TMEM63A: variants seen among roughly 807,000 people sequenced by gnomAD.
TMEM63A encodes transmembrane protein 63A.
TMEM63A carries 76 observed loss-of-function variants against 100.6 expected under a neutral mutation model. The ratio of observed to expected loss-of-function variants is 0.76; its 90% CI spans 0.63 to 0.91. The LOEUF (loss-of-function observed/expected upper bound fraction) is 0.91. TMEM63A is among the 40% of genes least tolerant of loss of function. The pLI, the probability that TMEM63A is intolerant of heterozygous loss-of-function variation, is 0.00. For synonymous variants in TMEM63A, 401 were observed against 401.1 expected (o/e 1.00, Z 0.00); for missense variants, 876 against 1,008.8 (o/e 0.87, Z 1.78).
At position 225,862,743 on chromosome 1, in the gene TMEM63A, C is replaced by T. The variant is rs1670007323; in HGVS notation, c.827+28G>A. 6.2e-7 allele frequency: 1 copy of T among 1,613,728 alleles called. No homozygotes were observed. The highest frequency in any genetic ancestry group is 1.3e-5 in the African/African-American group (1 of 74,954). ...GCGAGGCCAGCAAGGAAGGAGGGGG[C>T]ATCTTGCAAGGCCCGCCCACCACTC... is the stretch of plus-strand genomic sequence containing the variant. On this transcript the variant is annotated intron_variant, in intron 11 of 24. Coordinates refer to ENST00000366835, the MANE Select transcript of TMEM63A (RefSeq NM_014698.3). This position sits in a 1 kb window ranked among gnomAD's most constrained non-coding sequence, Gnocchi z 5.1.
Position 225,853,677 on chromosome 1 carries a change from G to C in TMEM63A, c.1749C>G (p.Phe583Leu). 5 of 1,583,118 alleles carry C rather than the reference G, an allele frequency of 3.2e-6. No homozygotes were observed. Among genetic ancestry groups the C allele is most frequent in the Non-Finnish European group, 4.3e-6 (5 of 1,164,480 alleles). The change falls in exon 19 of 25, where the codon TTC (phenylalanine) becomes TTG (leucine). Residue 583 changes from phenylalanine to leucine, a missense_variant. Phe to Leu is a conservative substitution (Grantham distance 22, BLOSUM62 0). Around this residue, in one of 5 missense-constraint regions of TMEM63A, gnomAD observed 339 missense variants for 342.3 expected, o/e 0.99. Transcript: ENST00000366835. This position sits in a 1 kb window ranked among gnomAD's most constrained non-coding sequence, Gnocchi z 4.0. ...LRLPGLILYT[F>L]RMIMAKTAAD... The stretch of plus-strand genomic sequence containing the variant: ...CAGCCGTCTTGGCCATGATCATGCG[G>C]AAGGTATAGAGGATGAGACCTGGCA...
In TMEM63A at chr1:225,862,516, G is replaced by A. The variant is rs752844802; in HGVS notation, c.890C>T (p.Thr297Ile). 6.2e-7 allele frequency: 1 copy of A among 1,614,122 alleles called. No individual in the cohort carries two copies. Among genetic ancestry groups the A allele is most frequent in the South Asian group, 1.1e-5 (1 of 91,086 alleles). ...TNLQVKTGQR[T>I]LINPKPCGQF... Reference sequence around the variant, plus strand: ...GCCACAGGGCTTGGGGTTGATGAGGGTCCGCTGGCCTGTCTTCACCTGCAG... The same window carrying A: ...GCCACAGGGCTTGGGGTTGATGAGGATCCGCTGGCCTGTCTTCACCTGCAG... The change falls in exon 12 of 25, where the codon ACC (threonine) becomes ATC (isoleucine). Residue 297 changes from threonine (T) to isoleucine (I), a missense_variant. Physicochemically the swap from Thr to Ile is moderately conservative, Grantham distance 89. This residue lies in a region of TMEM63A where 487 missense variants were observed against 581.9 expected (regional missense o/e 0.84). Coordinates refer to ENST00000366835, the MANE Select transcript of TMEM63A (RefSeq NM_014698.3). This position sits in a 1 kb window ranked among gnomAD's most constrained non-coding sequence, Gnocchi z 5.1.
In TMEM63A at chr1:225,867,110, A is replaced by T; in HGVS notation, c.566+2T>A. The T allele has an allele frequency of 1.9e-6, 3 of 1,613,502 alleles. No homozygotes were observed. Among genetic ancestry groups the T allele is most frequent in the Non-Finnish European group, 2.5e-6 (3 of 1,179,926 alleles). On this transcript the variant is annotated splice_donor_variant, in intron 8 of 24. Coordinates refer to ENST00000366835, the MANE Select transcript of TMEM63A (RefSeq NM_014698.3). LOFTEE classifies it high-confidence loss of function. This position sits in a 1 kb window ranked among gnomAD's most constrained non-coding sequence, Gnocchi z 4.6. ...ACCTATCCCCACGGGCTCCATACTC[A>T]CTCAGTCTGTAGGTTTGCTATTGTT... is the stretch of plus-strand genomic sequence containing the variant.
At chr1:225,871,181 T>C in intron 5 of TMEM63A, 68 bp from the exon 6 acceptor site, 1 of 1,518,968 alleles carries the variant, frequency 6.6e-7, no homozygotes, top group East Asian at 2.3e-5. Flanking sequence ...GTAACCATTG[T>C]CTTTGACATT....
chr1:225,846,980 A>G (rs1312362661), intron 24 of TMEM63A, 48 bp from the exon 25 acceptor site: 1 of 1,536,178 alleles, frequency 6.5e-7, no homozygotes, highest in African/African-American at 1.4e-5. Context: ...AGGCCGCTTC[A>G]CCTGTCTTCT....
Position 225,867,087 on chromosome 1 carries a change from C to T in TMEM63A, c.566+25G>A. On this transcript the variant is annotated intron_variant, in intron 8 of 24. Coordinates refer to ENST00000366835, the MANE Select transcript of TMEM63A (RefSeq NM_014698.3). The surrounding 1 kb of genome is among the most constrained non-coding windows in gnomAD (Gnocchi z 4.6). ...TCTCCTTGATCTCACCCATCAGCAC[C>T]TATCCCCACGGGCTCCATACTCACT... is the stretch of plus-strand genomic sequence containing the variant. 1 of 1,613,966 alleles carries T rather than the reference C, an allele frequency of 6.2e-7. No homozygotes were observed. Among genetic ancestry groups the T allele is most frequent in the South Asian group, 1.1e-5 (1 of 91,086 alleles).
chr1:225,865,564 G>A lies in TMEM63A; in HGVS notation c.746+333C>T. 3.9e-6 allele frequency: 1 copy of A among 256,636 alleles called. No homozygotes were observed. The highest frequency in any genetic ancestry group is 4.3e-5 in the Admixed American group (1 of 23,406). The allele number at this position is 256,636 out of a possible 1,614,324, so 15.9% of individuals were successfully genotyped here. On this transcript the variant is annotated intron_variant, in intron 10 of 24. Coordinates refer to ENST00000366835, the MANE Select transcript of TMEM63A (RefSeq NM_014698.3). This position sits in a 1 kb window ranked among gnomAD's most constrained non-coding sequence, Gnocchi z 4.6. ...CTCACGTCTCTCTTATTCTGCAAAG[G>A]TGATGCTAAGAACCCCGGGGTCAAC...
intron 15 of TMEM63A, among the ~76,000 whole-genome samples, chr1:225,857,379 C>CGGGGGGGGGGGGGGGGGGGGGG (rs369068747): frequency 8.9e-6 from 1 of 112,716 alleles, no homozygotes; most frequent in African/African-American, 4.4e-5. Context: ...TCCTGGCCGG[C>CGGGGGGGGGGGGGGGGGGGGGG]GGGGCGGGGG....
At chr1:225,854,575 T>C (rs1405436287) in intron 18 of TMEM63A, among the ~76,000 whole-genome samples, 2 of 152,070 alleles carry the variant, frequency 1.3e-5, no homozygotes, top group African/African-American at 4.8e-5. Context: ...GGGAAAGTTG[T>C]AGAGTAGCAG....
At chr1:225,874,893 C>A (rs1476142727) in intron 3 of TMEM63A, among the ~76,000 whole-genome samples, 1 of 152,220 alleles carries the variant, frequency 6.6e-6, no homozygotes, top group Non-Finnish European at 1.5e-5. Context: ...CGCCACCACA[C>A]CCAGCTAATT....
In TMEM63A at chr1:225,849,002, G is replaced by A. The variant is rs780335936; in HGVS notation, c.2082C>T (p.Ala694=). 2 of 1,584,158 alleles carry A rather than the reference G, an allele frequency of 1.3e-6. No homozygotes were observed. Among genetic ancestry groups the A allele is most frequent in the South Asian group, 1.2e-5 (1 of 86,446 alleles). The stretch of plus-strand genomic sequence containing the variant: ...CCAGGAAGGTGAACAGAGTGGCGGG[G>A]GCCTTCATACCTGGTGATAGAGGGT... ...FFSFLRLGMK[A]PATLFTFLVL... is the part of the protein sequence containing the mutation. The change falls in exon 22 of 25, where the codon GCC becomes GCT. Residue 694 remains alanine (A), a synonymous_variant. Coordinates refer to ENST00000366835, the MANE Select transcript of TMEM63A (RefSeq NM_014698.3).
At chr1:225,870,220 C>T (rs1670437358) in intron 6 of TMEM63A, among the ~76,000 whole-genome samples, 1 of 151,982 alleles carries the variant, frequency 6.6e-6, no homozygotes, top group South Asian at 2.1e-4. Context: ...GGCATGGTGG[C>T]GCATGCCTGT....
chr1:225,867,467 CT>C lies in TMEM63A; in HGVS notation c.515-305del, dbSNP rs1670271607. Reference sequence around the variant, plus strand: ...CCAACGTTGGGAACCACTGGGTATCCTAAGTGGATTCATGGTGGCATTTTGG... The same window carrying C: ...CCAACGTTGGGAACCACTGGGTATCCAAGTGGATTCATGGTGGCATTTTGG... On this transcript the variant is annotated intron_variant, in intron 7 of 24. Coordinates refer to ENST00000366835, the MANE Select transcript of TMEM63A (RefSeq NM_014698.3). The surrounding 1 kb of genome is among the most constrained non-coding windows in gnomAD (Gnocchi z 4.6). 6.6e-6 allele frequency among the ~76,000 whole-genome samples: 1 copy of C among 152,120 alleles called. No individual in the cohort carries two copies. The highest frequency in any genetic ancestry group is 1.5e-5 in the Non-Finnish European group (1 of 68,002).
intron 23 of TMEM63A, 166 bp downstream of exon 23, chr1:225,848,326 C>T (rs1022956217): frequency 1.5e-6 from 1 of 666,902 alleles, no homozygotes. Flanking sequence ...GGTTAAAATA[C>T]CCAGGGGGAC....
At chr1:225,878,855 C>A (rs534857451) in intron 2 of TMEM63A, among the ~76,000 whole-genome samples, 2 of 150,464 alleles carry the variant, frequency 1.3e-5, no homozygotes, top group African/African-American at 4.9e-5. Context: ...GACAATCACA[C>A]ATGGACACCT....
At chr1:225,841,339 G>A (rs1668392783), downstream of TMEM63A, among the ~76,000 whole-genome samples, 1 of 152,192 alleles carries the variant, frequency 6.6e-6, no homozygotes, top group Admixed American at 6.5e-5. Context: ...GTAGAGTGCA[G>A]TGGTGTGATC....
chr1:225,847,991 CAG>C (rs1669106207), intron 23 of TMEM63A, among the ~76,000 whole-genome samples: 1 of 152,166 alleles, frequency 6.6e-6, no homozygotes, highest in South Asian at 2.1e-4. Flanking sequence ...AGGCTGTGTG[CAG>C]AGAGAACTAG....
intron 15 of TMEM63A, 129 bp downstream of exon 15, chr1:225,859,067 A>C: frequency 2.2e-6 from 3 of 1,361,518 alleles, no homozygotes; most frequent in East Asian, 2.3e-5. Flanking sequence ...CAAGGATGTG[A>C]GCTGAGCAAC....
Position 225,846,903 on chromosome 1 carries a change from T to G in TMEM63A, c.*36A>C. ...GCCAAGGGCCTGAGCCCCAGGCCAT[T>G]CTGGTTGTGTCTTTTCAGAGCAGTG... On this transcript the variant is annotated 3_prime_UTR_variant, in exon 25 of 25. Transcript: ENST00000366835. 8.9e-7 allele frequency: 1 copy of G among 1,128,490 alleles called. No homozygotes were observed. Among genetic ancestry groups the G allele is most frequent in the Non-Finnish European group, 1.2e-6 (1 of 825,854 alleles). The allele number at this position is 1,128,490 out of a possible 1,614,324, so 69.9% of individuals were successfully genotyped here. A position where few individuals can be genotyped will look rare whatever the true frequency, so the allele number is the denominator to read the frequency against.
Sources: allele counts gnomAD v4.1 joint callset (sites outside exome capture counted in the v4.1 genomes callset), GRCh38; gene constraint gnomAD v4.1.1; regional missense constraint gnomAD v4.1.1; non-coding constraint Gnocchi (gnomAD v3.1); transcripts MANE v1.5; gene names NCBI Gene and HGNC (gene_info 2026-07-23, HGNC 2026-07-21).